RIPOR3: variants seen among roughly 807,000 people sequenced by gnomAD.
RIPOR3 encodes family with sequence similarity 65 member C.
Under a neutral mutation model 114.3 loss-of-function variants are expected in RIPOR3, and 95 were observed. The ratio of observed to expected loss-of-function variants is 0.83; its 90% CI spans 0.70 to 0.99. The LOEUF (loss-of-function observed/expected upper bound fraction) is 0.99, where lower values mean the gene tolerates loss of function less well. Ranked by LOEUF, RIPOR3 falls within the 50% of genes least tolerant of loss-of-function variation. The pLI is 0.00. For missense variants in RIPOR3, 1,252 were observed against 1,266.9 expected (o/e 0.99, Z 0.18); for synonymous variants, 575 against 543.8 (o/e 1.06, Z -0.80).
chr20:50,641,567 C>A (rs2085195249), intron 1 of RIPOR3, among the ~76,000 whole-genome samples: 1 of 152,114 alleles, frequency 6.6e-6, no homozygotes. Flanking sequence ...TTGGAAGGGC[C>A]ACTGCAGGCC....
At position 50,620,067 on chromosome 20, in the gene RIPOR3, G is replaced by A. The variant is rs145939916; in HGVS notation, c.188C>T (p.Thr63Met). Residue 63 changes from threonine (T) to methionine (M), a missense_variant, in exon 3 of 22, where the codon ACG becomes ATG. Thr to Met is a moderately conservative substitution (Grantham distance 81). Transcript: ENST00000327979. The stretch of plus-strand genomic sequence containing the variant: ...TGCACAGACCGACCCCTTCCGCAGC[G>A]TGCCGTACATCTTGGAGGATTTTGC... ...MPAKSSKMYG[T>M]LRKGSVCADP... The A allele has an allele frequency of 6.6e-5, 106 of 1,614,138 alleles. 2 individuals are homozygous for A. In the African/African-American group the frequency reaches 8.4e-4, roughly 13 times the overall value.
chr20:50,676,060 A>T (rs189759415), intron 1 of RIPOR3, among the ~76,000 whole-genome samples: 61 of 152,348 alleles, frequency 4.0e-4, no homozygotes, highest in African/African-American at 1.4e-3. Flanking sequence ...ACAACAGCGA[A>T]GATTCCATAA....
intron 5 of RIPOR3, 102 bp downstream of exon 5, chr20:50,611,079 C>T (rs933998108): frequency 5.0e-6 from 8 of 1,587,904 alleles, no homozygotes; most frequent in Non-Finnish European, 5.2e-6. Flanking sequence ...GGGGAGGAGA[C>T]CCAGGTTTTC....
At chr20:50,598,561 T>G (rs971424124) in intron 13 of RIPOR3, among the ~76,000 whole-genome samples, 8 of 152,170 alleles carry the variant, frequency 5.3e-5, no homozygotes, top group Non-Finnish European at 1.0e-4. Context: ...AGAGATCACA[T>G]TTTCCAATAC....
chr20:50,648,821 A>T (rs7266000), intron 1 of RIPOR3, among the ~76,000 whole-genome samples: 3,168 of 152,208 alleles, frequency 0.021, 116 homozygotes, highest in African/African-American at 0.073. Context: ...TCCACTGATC[A>T]GACAGGAGGT....
Position 50,597,614 on chromosome 20 carries a change from C to A in RIPOR3, c.1756G>T (p.Glu586Ter). 1 of 1,610,910 alleles carries A rather than the reference C, an allele frequency of 6.2e-7. No homozygotes were observed. The highest frequency in any genetic ancestry group is 8.5e-7 in the Non-Finnish European group (1 of 1,178,584). ...TGGGAGCCCCCAAACAGGGACAGCT[C>A]ATCCAGGGCGAAGTCGGCATTGAGG... ...AFLNADFALDELSLFGGSQGL... is the reference protein window; with the variant it reads ...AFLNADFALD The change falls in exon 14 of 22, where the codon GAG (glutamate) becomes TAG (stop). Residue 586 changes from glutamate (E) to a stop codon, truncating the protein, a stop_gained. Coordinates refer to ENST00000327979, the MANE Select transcript of RIPOR3 (RefSeq NM_001290268.2). LOFTEE classifies it high-confidence loss of function.
At chr20:50,587,991 C>T in intron 20 of RIPOR3, 99 bp from the exon 21 acceptor site, 1 of 1,114,532 alleles carries the variant, frequency 9.0e-7, no homozygotes, top group Non-Finnish European at 1.3e-6. Context: ...AGCATGGTCT[C>T]TGGGGCCTCA....
intron 1 of RIPOR3, among the ~76,000 whole-genome samples, chr20:50,637,297 C>T (rs2085021508): frequency 1.3e-5 from 2 of 152,146 alleles, no homozygotes; most frequent in African/African-American, 4.8e-5. Flanking sequence ...TGGAGCCCCC[C>T]TCCAGCCTTT....
intron 1 of RIPOR3, among the ~76,000 whole-genome samples, chr20:50,635,139 G>A (rs2084941454): frequency 6.6e-6 from 1 of 152,178 alleles, no homozygotes; most frequent in Non-Finnish European, 1.5e-5. Flanking sequence ...AGCAAAACCA[G>A]CTGCAGACAT....
chr20:50,684,478 G>A (rs1239889601), intron 1 of RIPOR3, among the ~76,000 whole-genome samples: 2 of 152,240 alleles, frequency 1.3e-5, no homozygotes, highest in African/African-American at 4.8e-5. Context: ...GGCCTTGTGG[G>A]CCGTGATGAG....
chr20:50,628,324 C>G (rs2084694992), intron 2 of RIPOR3, among the ~76,000 whole-genome samples: 1 of 152,116 alleles, frequency 6.6e-6, no homozygotes, highest in African/African-American at 2.4e-5. Context: ...AGGCTCCCCT[C>G]CACTGAGAAT....
chr20:50,669,068 A>G (rs2086366083), intron 1 of RIPOR3, among the ~76,000 whole-genome samples: 1 of 152,066 alleles, frequency 6.6e-6, no homozygotes, highest in African/African-American at 2.4e-5. Context: ...TCACATATAC[A>G]TTATACACAT....
intron 13 of RIPOR3, 113 bp downstream of exon 13, chr20:50,601,959 C>T (rs2083509562): frequency 1.2e-5 from 13 of 1,079,692 alleles, no homozygotes; most frequent in South Asian, 8.6e-5. Flanking sequence ...ACCCAGGTCA[C>T]GCAGAGGTGA....
At chr20:50,676,481 G>A (rs377179592) in intron 1 of RIPOR3, among the ~76,000 whole-genome samples, 5 of 152,026 alleles carry the variant, frequency 3.3e-5, no homozygotes, top group Admixed American at 3.3e-4. Context: ...GAGAGACCCC[G>A]TCTCTACTAA....
intron 4 of RIPOR3, chr20:50,614,626 C>T (rs1332718795): frequency 5.9e-6 from 1 of 170,424 alleles, no homozygotes; most frequent in Admixed American, 6.5e-5. Flanking sequence ...CTAGCAGTGT[C>T]ACCAGATAAA....
chr20:50,623,075 C>T (rs1412731477), intron 2 of RIPOR3, among the ~76,000 whole-genome samples: 1 of 151,890 alleles, frequency 6.6e-6, no homozygotes, highest in African/African-American at 2.4e-5. Flanking sequence ...ACCAGCCTGA[C>T]CAACCTGGTG....
chr20:50,627,927 C>CCG (rs1440639542), intron 2 of RIPOR3, among the ~76,000 whole-genome samples: 1 of 152,206 alleles, frequency 6.6e-6, no homozygotes, highest in Non-Finnish European at 1.5e-5. Flanking sequence ...ACACAAGGGT[C>CCG]CCTACAGTGC....
At chr20:50,593,006 G>A (rs1447814367) in intron 18 of RIPOR3, 29 bp downstream of exon 18, 2 of 1,611,908 alleles carry the variant, frequency 1.2e-6, no homozygotes, top group Non-Finnish European at 1.7e-6. Context: ...ATATTCCTCT[G>A]CTATGACAGC....
At chr20:50,624,875 C>T (rs1248681898) in intron 2 of RIPOR3, among the ~76,000 whole-genome samples, 1 of 152,168 alleles carries the variant, frequency 6.6e-6, no homozygotes, top group Admixed American at 6.5e-5. Flanking sequence ...GGGCCGGGCT[C>T]AAGTCCTGCA....
Sources: allele counts gnomAD v4.1 joint callset (sites outside exome capture counted in the v4.1 genomes callset), GRCh38; gene constraint gnomAD v4.1.1; transcripts MANE v1.5; gene names NCBI Gene and HGNC (gene_info 2026-07-23, HGNC 2026-07-21).